SLCO3A1: variants seen among roughly 807,000 people sequenced by gnomAD.
The protein encoded by SLCO3A1 is solute carrier organic anion transporter family member 3A1, also known as PGE1 transporter.
In SLCO3A1, 27 loss-of-function variants were observed where a neutral mutation model predicts 63.1. The observed-to-expected ratio is 0.43, with a 90% CI of 0.32 to 0.59. SLCO3A1 has a LOEUF of 0.59. SLCO3A1 is among the 20% of genes least tolerant of loss of function. SLCO3A1 has a pLI of 0.09. For missense variants in SLCO3A1, 773 were observed against 945.8 expected (o/e 0.82, Z 2.40); for synonymous variants, 473 against 409.9 (o/e 1.15, Z -1.86).
chr15:91,911,624 A>G (rs532297732), intron 1 of SLCO3A1, among the ~76,000 whole-genome samples: 3 of 152,120 alleles, frequency 2.0e-5, no homozygotes, highest in African/African-American at 7.2e-5. Context: ...ATATCTATAT[A>G]GATATTTAGA....
chr15:92,043,301 G>T (rs931426628), intron 2 of SLCO3A1, among the ~76,000 whole-genome samples: 1 of 152,288 alleles, frequency 6.6e-6, no homozygotes, highest in Middle Eastern at 3.4e-3. Context: ...TTGCCCATGG[G>T]ATTATAGACA....
At chr15:91,857,354 C>T (rs979137835) in intron 1 of SLCO3A1, among the ~76,000 whole-genome samples, 1 of 152,152 alleles carries the variant, frequency 6.6e-6, no homozygotes, top group Non-Finnish European at 1.5e-5. Context: ...CGGTTACAAA[C>T]ATCTTAACTG....
At chr15:91,944,691 A>G (rs1319136500) in intron 2 of SLCO3A1, among the ~76,000 whole-genome samples, 1 of 152,034 alleles carries the variant, frequency 6.6e-6, no homozygotes, top group Non-Finnish European at 1.5e-5. Flanking sequence ...TGCTTTTCAA[A>G]GAGGAGCCTG....
intron 2 of SLCO3A1, among the ~76,000 whole-genome samples, chr15:92,023,159 G>C (rs2046531116): frequency 6.6e-6 from 1 of 152,198 alleles, no homozygotes; most frequent in South Asian, 2.1e-4. Flanking sequence ...TTGGCACTAA[G>C]TACGCTAAAG....
downstream of SLCO3A1, among the ~76,000 whole-genome samples, chr15:92,166,289 G>A (rs1003461496): frequency 1.3e-5 from 2 of 152,088 alleles, no homozygotes; most frequent in African/African-American, 4.8e-5. Context: ...TCCTCTCACG[G>A]TCCCCCCGAG....
In SLCO3A1 at chr15:91,882,409, A is replaced by G. The variant is rs1229368648; in HGVS notation, c.180+28321A>G. On this transcript the variant is annotated intron_variant, in intron 1 of 9. Transcript: ENST00000318445. The surrounding 1 kb of genome is among the most constrained non-coding windows in gnomAD (Gnocchi z 4.4). ...GTTGGACACTTGGTAGCCTTTGGTAAATATTTACTAAATGAATCAATGAAT... is the reference window on the plus strand; with the variant it reads ...GTTGGACACTTGGTAGCCTTTGGTAGATATTTACTAAATGAATCAATGAAT... Among the ~76,000 whole-genome samples, 3 of 152,160 alleles carry G rather than the reference A, an allele frequency of 2.0e-5. No individual in the cohort carries two copies. The highest frequency in any genetic ancestry group is 2.9e-5 in the Non-Finnish European group (2 of 68,018).
At chr15:92,132,145 C>T (rs1250181620) in intron 7 of SLCO3A1, among the ~76,000 whole-genome samples, 1 of 145,308 alleles carries the variant, frequency 6.9e-6, no homozygotes, top group African/African-American at 2.5e-5. Flanking sequence ...TTGGATGGTG[C>T]CAGTTTCAGT....
intron 9 of SLCO3A1, among the ~76,000 whole-genome samples, chr15:92,155,709 G>T (rs1391913842): frequency 1.3e-5 from 2 of 151,188 alleles, no homozygotes; most frequent in African/African-American, 4.8e-5. Context: ...AGCCACATAA[G>T]AGACAGCATC....
rs927296322 is a variant in SLCO3A1, at chr15:91,900,935, T to G, written c.181-15058T>G. Among the ~76,000 whole-genome samples, 4 of 152,206 alleles carry G rather than the reference T, an allele frequency of 2.6e-5. No individual in the cohort carries two copies. The highest frequency in any genetic ancestry group is 9.6e-5 in the African/African-American group (4 of 41,462). ...AGAGGGATATTAACTTCTCCAAATATTATTGTTGTATTGTTTATTTCGCCT... is the reference window on the plus strand; with the variant it reads ...AGAGGGATATTAACTTCTCCAAATAGTATTGTTGTATTGTTTATTTCGCCT... On this transcript the variant is annotated intron_variant, in intron 1 of 9. Coordinates refer to ENST00000318445, the MANE Select transcript of SLCO3A1 (RefSeq NM_013272.4). The surrounding 1 kb of genome is among the most constrained non-coding windows in gnomAD (Gnocchi z 4.3).
At position 92,163,746 on chromosome 15, in the gene SLCO3A1, C is replaced by T; in HGVS notation, c.*611C>T. 1 of 985,382 alleles carries T rather than the reference C, an allele frequency of 1.0e-6. No homozygotes were observed. The allele number at this position is 985,382 out of a possible 1,614,324, so 61.0% of individuals were successfully genotyped here. ...CGACTCACCCAGTCTGCATGTGGTTCAAGGCCCCAGAGTTCTCTCAGTGAT... is the reference window on the plus strand; with the variant it reads ...CGACTCACCCAGTCTGCATGTGGTTTAAGGCCCCAGAGTTCTCTCAGTGAT... On this transcript the variant is annotated 3_prime_UTR_variant, in exon 10 of 10. Transcript: ENST00000318445.
intron 2 of SLCO3A1, among the ~76,000 whole-genome samples, chr15:91,938,472 GGTTTTTTTT>G (rs1332288789): frequency 5.2e-5 from 7 of 135,366 alleles, no homozygotes; most frequent in African/African-American, 2.2e-4. Context: ...TCTAAACATT[GGTTTTTTTT>G]GTTTTTTTTT....
At chr15:92,171,879 C>G (rs1250576492) in exon 11 of SLCO3A1, 13 of 1,541,474 alleles carry the variant, frequency 8.4e-6, no homozygotes, top group Admixed American at 7.8e-5. Context: ...GGCCCTCTTC[C>G]TCTTCCTGGA....
intron 2 of SLCO3A1, among the ~76,000 whole-genome samples, chr15:91,920,348 C>T (rs556349479): frequency 1.3e-5 from 2 of 152,244 alleles, no homozygotes; most frequent in East Asian, 3.9e-4. Flanking sequence ...GCCTCCTGGG[C>T]ATACAAATTG....
At chr15:91,993,991 G>C (rs985813635) in intron 2 of SLCO3A1, among the ~76,000 whole-genome samples, 1 of 152,162 alleles carries the variant, frequency 6.6e-6, no homozygotes, top group African/African-American at 2.4e-5. Flanking sequence ...TCCAGCCCCA[G>C]GCAAGCCTCC....
intron 1 of SLCO3A1, among the ~76,000 whole-genome samples, chr15:91,867,296 A>G (rs1897189106): frequency 6.6e-6 from 1 of 152,206 alleles, no homozygotes; most frequent in South Asian, 2.1e-4. Flanking sequence ...GCTTCCTCGC[A>G]TGCTGAGGCC....
chr15:91,871,124 C>G (rs1412402730), intron 1 of SLCO3A1, among the ~76,000 whole-genome samples: 1 of 152,094 alleles, frequency 6.6e-6, no homozygotes, highest in Non-Finnish European at 1.5e-5. Context: ...CAGGCTATAT[C>G]TTTCTTTGAT....
intron 9 of SLCO3A1, among the ~76,000 whole-genome samples, chr15:92,160,827 C>T (rs1028648730): frequency 1.3e-5 from 2 of 152,142 alleles, no homozygotes; most frequent in African/African-American, 2.4e-5. Context: ...TTAAGCCTTC[C>T]CTCTCTCCCC....
At chr15:92,136,413 A>C (rs577121567) in intron 7 of SLCO3A1, among the ~76,000 whole-genome samples, 1 of 152,354 alleles carries the variant, frequency 6.6e-6, no homozygotes, top group South Asian at 2.1e-4. Context: ...TGTTCTTGTA[A>C]TACCGGCTGT....
chr15:92,140,953 C>T (rs536205107), intron 7 of SLCO3A1, among the ~76,000 whole-genome samples: 2 of 152,304 alleles, frequency 1.3e-5, no homozygotes, highest in African/African-American at 4.8e-5. Context: ...CACATTGTGA[C>T]TCATATTGTA....
Sources: gnomAD v4.1 joint callset for allele counts (sites outside exome capture counted in the v4.1 genomes callset) on GRCh38, gnomAD v4.1.1 for gene constraint, Gnocchi (gnomAD v3.1) non-coding constraint, MANE v1.5 for transcripts, NCBI Gene and HGNC (gene_info 2026-07-23, HGNC 2026-07-21) for gene names.